Variants in TDRD9 observed in about 807,000 individuals in gnomAD.
TDRD9 encodes tudor domain containing 9, also known as ATP-dependent RNA helicase TDRD9.
In TDRD9, 124 loss-of-function variants were observed where a neutral mutation model predicts 172.6. The ratio of observed to expected loss-of-function variants is 0.72; its 90% CI spans 0.62 to 0.83. The LOEUF (loss-of-function observed/expected upper bound fraction) is 0.83, where lower values mean the gene tolerates loss of function less well. TDRD9 is among the 40% of genes least tolerant of loss of function. The probability of loss-of-function intolerance (pLI) is 0.00; values close to 1 mark genes in which losing one functional copy is unlikely to be tolerated. For missense variants in TDRD9, 1,479 were observed against 1,714.1 expected (o/e 0.86, Z 2.42); for synonymous variants, 619 against 617.1 (o/e 1.00, Z -0.05).
intron 13 of TDRD9, among the ~76,000 whole-genome samples, chr14:103,999,175 G>A (rs546468343): frequency 4.4e-4 from 67 of 152,302 alleles, no homozygotes; most frequent in African/African-American, 1.6e-3. Flanking sequence ...TAAGTTTTTA[G>A]CAATGGCTTC....
Position 103,963,170 on chromosome 14 carries a change from G to A in TDRD9, c.414G>A (p.Lys138=), listed in dbSNP as rs909732360. The part of the protein sequence containing the change: ...KYPDLPISRY[K]EEVVSLIESN... ...CTGATTTGCCTATAAGTCGATACAAGGAAGAGGTAAAATTGTTTTGTTATA... is the reference window on the plus strand; with the variant it reads ...CTGATTTGCCTATAAGTCGATACAAAGAAGAGGTAAAATTGTTTTGTTATA... Residue 138 remains lysine, a synonymous_variant, in exon 3 of 36, where the codon AAG becomes AAA. Coordinates refer to ENST00000409874, the MANE Select transcript of TDRD9 (RefSeq NM_153046.3). The A allele has an allele frequency of 7.8e-6, 12 of 1,545,184 alleles. No homozygotes were observed. The East Asian group carries it at 9.8e-5, about 13-fold the overall frequency.
chr14:104,047,245 T>G (rs2035807484), intron 34 of TDRD9, among the ~76,000 whole-genome samples: 1 of 152,246 alleles, frequency 6.6e-6, no homozygotes, highest in African/African-American at 2.4e-5. Context: ...TTTAATGCTA[T>G]TGTGAATAAA....
intron 1 of TDRD9, among the ~76,000 whole-genome samples, chr14:103,955,096 A>G (rs542551456): frequency 1.5e-4 from 22 of 148,192 alleles, no homozygotes; most frequent in Non-Finnish European, 2.7e-4. Context: ...GCTCATTTCT[A>G]TATTTTTTAT....
intron 32 of TDRD9, among the ~76,000 whole-genome samples, chr14:104,036,084 T>A (rs1482924637): frequency 1.3e-5 from 2 of 152,188 alleles, no homozygotes; most frequent in Non-Finnish European, 2.9e-5. Flanking sequence ...TTTATAGATT[T>A]AAATTTAAAT....
chr14:104,047,582 C>A (rs774028290), intron 34 of TDRD9, among the ~76,000 whole-genome samples: 25 of 152,126 alleles, frequency 1.6e-4, no homozygotes, highest in Non-Finnish European at 3.2e-4. Context: ...GCCTCGTGCC[C>A]GCTCTCTTCT....
chr14:103,989,521 T>A (rs967199971), intron 8 of TDRD9, among the ~76,000 whole-genome samples: 2 of 152,112 alleles, frequency 1.3e-5, no homozygotes, highest in African/African-American at 4.8e-5. Context: ...TGGATGGGGG[T>A]ATGACAGGAG....
rs910531614 is a variant in TDRD9 at position 103,941,340 on chromosome 14, T to C, written c.215+12616T>C. Reference sequence around the variant, plus strand: ...TAGAATACAGTTTCTAGTCAAAATATATGAGGAACTTGGACTTAGCAGTAG... The same window carrying C: ...TAGAATACAGTTTCTAGTCAAAATACATGAGGAACTTGGACTTAGCAGTAG... On this transcript the variant is annotated intron_variant, in intron 1 of 35. Coordinates refer to ENST00000409874, the MANE Select transcript of TDRD9 (RefSeq NM_153046.3). 10 of 1,262,838 alleles carry C rather than the reference T, an allele frequency of 7.9e-6. No individual in the cohort carries two copies. In the Admixed American group the frequency reaches 1.9e-4, roughly 24 times the overall value. 78.2% of individuals were successfully genotyped at this position (1,262,838 alleles called of 1,614,324 possible).
chr14:104,043,031 T>G (rs991434600), intron 34 of TDRD9, among the ~76,000 whole-genome samples: 4 of 151,864 alleles, frequency 2.6e-5, no homozygotes, highest in Admixed American at 1.3e-4. Flanking sequence ...TAATATTTAT[T>G]TATTTATTTT....
At chr14:103,995,040 G>A (rs1468244624) in intron 11 of TDRD9, among the ~76,000 whole-genome samples, 1 of 151,970 alleles carries the variant, frequency 6.6e-6, no homozygotes, top group African/African-American at 2.4e-5. Context: ...TACCTAATGA[G>A]CCAGGTATGT....
At chr14:104,043,279 T>C (rs1290021544) in intron 34 of TDRD9, among the ~76,000 whole-genome samples, 4 of 151,666 alleles carry the variant, frequency 2.6e-5, no homozygotes, top group Non-Finnish European at 4.4e-5. Flanking sequence ...TCTTGCTCTG[T>C]CACCCAGGCT....
chr14:104,023,068 G>C lies in TDRD9; in HGVS notation c.2606+738G>C, dbSNP rs566830663. On this transcript the variant is annotated intron_variant, in intron 24 of 35. Transcript: ENST00000409874. The stretch of plus-strand genomic sequence containing the variant: ...GTGGTGGCGGGCACCTATAATCCCA[G>C]CTATGTGGAAGGCTGATGCAGGACA... Among the ~76,000 whole-genome samples, 108 of 151,646 alleles carry C rather than the reference G, an allele frequency of 7.1e-4. 2 individuals carry two copies. In the South Asian group the frequency reaches 0.012, roughly 18 times the overall value.
intron 1 of TDRD9, among the ~76,000 whole-genome samples, chr14:103,937,771 A>G (rs560915603): frequency 6.6e-6 from 1 of 152,306 alleles, no homozygotes; most frequent in African/African-American, 2.4e-5. Context: ...GTGTATTGGT[A>G]CTAGCTGGTT....
Position 104,037,530 on chromosome 14 carries a change from T to C in TDRD9, c.3716+2474T>C, listed in dbSNP as rs142305836. ...CACCTCTAACATACTCTTTGTACAA[T>C]AGTGGCAGGAAAGGAAGATGAGCAG... On this transcript the variant is annotated intron_variant, in intron 32 of 35. Transcript: ENST00000409874. 4.4e-3 allele frequency among the ~76,000 whole-genome samples: 667 copies of C among 152,294 alleles called. 4 individuals carry two copies. The highest frequency in any genetic ancestry group is 0.015 in the African/African-American group (639 of 41,572).
chr14:103,967,347 CAAA>C (rs11444885), intron 5 of TDRD9, among the ~76,000 whole-genome samples: 3 of 49,732 alleles, frequency 6.0e-5, no homozygotes, highest in African/African-American at 1.9e-4. Flanking sequence ...ACTAAAAATA[CAAA>C]AAAAAAAAAA....
chr14:103,931,624 C>T (rs1372288916), intron 1 of TDRD9, among the ~76,000 whole-genome samples: 1 of 152,106 alleles, frequency 6.6e-6, no homozygotes, highest in African/African-American at 2.4e-5. Context: ...AGTGACTTGC[C>T]CAACTTCCTG....
intron 1 of TDRD9, chr14:103,941,279 T>TC: frequency 1.2e-6 from 1 of 857,346 alleles, no homozygotes; most frequent in Non-Finnish European, 1.7e-6. Flanking sequence ...AAACAATTGC[T>TC]CACCAGACAT....
At chr14:103,991,325 C>CCTG in intron 9 of TDRD9, 101 bp downstream of exon 9, 1 of 1,234,434 alleles carries the variant, frequency 8.1e-7, no homozygotes, top group Non-Finnish European at 1.2e-6. Flanking sequence ...CTCCATAGGA[C>CCTG]TTTATTCTTT....
intron 2 of TDRD9, among the ~76,000 whole-genome samples, chr14:103,961,056 G>T (rs1381425848): frequency 2.6e-5 from 4 of 152,222 alleles, no homozygotes; most frequent in African/African-American, 9.6e-5. Flanking sequence ...TGCTGTGTCT[G>T]GGCTCAGGGC....
intron 8 of TDRD9, among the ~76,000 whole-genome samples, chr14:103,987,137 C>T (rs1303202332): frequency 1.1e-4 from 17 of 151,384 alleles, no homozygotes; most frequent in African/African-American, 3.2e-4. Context: ...CACACACACA[C>T]ACACACACAC....
Sources: gnomAD v4.1 joint callset for allele counts (sites outside exome capture counted in the v4.1 genomes callset) on GRCh38, gnomAD v4.1.1 for gene constraint, MANE v1.5 for transcripts, NCBI Gene and HGNC (gene_info 2026-07-23, HGNC 2026-07-21) for gene names.